Variants in PRR16 observed in about 807,000 individuals in gnomAD.
PRR16 encodes proline rich 16.
In PRR16, 6 loss-of-function variants were observed where a neutral mutation model predicts 18.2. The ratio of observed to expected loss-of-function variants is 0.33; its 90% CI spans 0.18 to 0.65. The LOEUF (loss-of-function observed/expected upper bound fraction) is 0.65. Ranked by LOEUF, PRR16 falls within the 30% of genes least tolerant of loss-of-function variation. The pLI is 0.74. For missense variants in PRR16, 412 were observed against 376.6 expected (o/e 1.09, Z -0.78); for synonymous variants, 151 against 147.8 (o/e 1.02, Z -0.16).
chr5:120,725,140 G>C, the PRR16 span, among the ~76,000 whole-genome samples: 1 of 151,986 alleles, frequency 6.6e-6, no homozygotes, highest in East Asian at 1.9e-4. Context: ...GCTGAAGTGA[G>C]AGCCAACTGG....
chr5:120,754,185 A>T, the PRR16 span, among the ~76,000 whole-genome samples: 1 of 110,622 alleles, frequency 9.0e-6, no homozygotes, highest in Non-Finnish European at 1.7e-5. Context: ...ATAAATATAT[A>T]ATATATAATT....
the PRR16 span, among the ~76,000 whole-genome samples, chr5:120,701,350 G>C: frequency 6.6e-6 from 1 of 152,194 alleles, no homozygotes; most frequent in Non-Finnish European, 1.5e-5. Context: ...GGGCTGTAAA[G>C]TGTCTCAGGG....
intron 1 of PRR16, among the ~76,000 whole-genome samples, chr5:120,593,697 C>T (rs917219183): frequency 6.6e-6 from 1 of 151,824 alleles, no homozygotes; most frequent in Non-Finnish European, 1.5e-5. Flanking sequence ...AGAGGCACAA[C>T]GAAAGGAAGG....
intron 1 of PRR16, among the ~76,000 whole-genome samples, chr5:120,677,905 C>CTTTTTTTT (rs386404833): frequency 6.1e-4 from 57 of 93,188 alleles, no homozygotes; most frequent in Admixed American, 7.4e-4. Flanking sequence ...CTTTTTCTTT[C>CTTTTTTTT]TTTTTTTTTT....
chr5:120,501,955 CAAAAAAAAAAAAAAA>C (rs548770948), intron 1 of PRR16, among the ~76,000 whole-genome samples: 2 of 44,086 alleles, frequency 4.5e-5, no homozygotes, highest in Non-Finnish European at 8.9e-5. Context: ...TACTCCGTCT[CAAAAAAAAAAAAAAA>C]AAAAAAAAAA....
chr5:120,653,952 T>G (rs1012530639), intron 1 of PRR16, among the ~76,000 whole-genome samples: 1 of 152,060 alleles, frequency 6.6e-6, no homozygotes, highest in Non-Finnish European at 1.5e-5. Context: ...TAATTGTCCC[T>G]TAACAAATTA....
chr5:120,649,091 G>A (rs1407649959), intron 1 of PRR16, among the ~76,000 whole-genome samples: 7 of 152,062 alleles, frequency 4.6e-5, no homozygotes, highest in Non-Finnish European at 1.0e-4. Context: ...TTTAAGAAAT[G>A]GCTCTTGCAA....
the PRR16 span, among the ~76,000 whole-genome samples, chr5:120,725,891 C>T: frequency 2.6e-5 from 4 of 151,956 alleles, no homozygotes; most frequent in African/African-American, 7.2e-5. Context: ...GAACCCCTGC[C>T]ATCTAAGGAA....
chr5:120,519,403 C>G (rs1222727427), intron 1 of PRR16, among the ~76,000 whole-genome samples: 1 of 152,018 alleles, frequency 6.6e-6, no homozygotes, highest in Admixed American at 6.6e-5. Flanking sequence ...TAGACGTGAA[C>G]TGATTAGAAT....
the PRR16 span, among the ~76,000 whole-genome samples, chr5:120,756,070 G>T: frequency 6.6e-6 from 1 of 152,102 alleles, no homozygotes; most frequent in East Asian, 1.9e-4. Context: ...CTGAAATGAA[G>T]TTACAAAGTT....
intron 1 of PRR16, among the ~76,000 whole-genome samples, chr5:120,517,992 G>A (rs892952149): frequency 6.6e-6 from 1 of 152,126 alleles, no homozygotes. Flanking sequence ...AAAAAGTTTT[G>A]TGTCACTATA....
At chr5:120,545,598 C>G (rs1054937268) in intron 1 of PRR16, among the ~76,000 whole-genome samples, 1 of 151,898 alleles carries the variant, frequency 6.6e-6, no homozygotes, top group African/African-American at 2.4e-5. Context: ...GAATTAAATT[C>G]TTTTGAAAAT....
chr5:120,785,222 C>T, the PRR16 span, among the ~76,000 whole-genome samples: 1 of 152,100 alleles, frequency 6.6e-6, no homozygotes, highest in Admixed American at 6.6e-5. Flanking sequence ...AGGGCTACAA[C>T]CTTTTTCTAA....
chr5:120,610,726 A>ATACCT (rs1754307641), intron 1 of PRR16, among the ~76,000 whole-genome samples: 1 of 152,208 alleles, frequency 6.6e-6, no homozygotes, highest in Admixed American at 6.5e-5. Context: ...AAGTCCAATT[A>ATACCT]TACCTTTTTT....
chr5:120,769,456 C>T, the PRR16 span, among the ~76,000 whole-genome samples: 13 of 151,942 alleles, frequency 8.6e-5, no homozygotes, highest in Non-Finnish European at 1.6e-4. Flanking sequence ...AGATCTCTAG[C>T]ACTTATTTAT....
At chr5:120,584,985 T>C (rs1162882072) in intron 1 of PRR16, among the ~76,000 whole-genome samples, 3 of 152,204 alleles carry the variant, frequency 2.0e-5, no homozygotes, top group Non-Finnish European at 4.4e-5. Context: ...CTGGTCTTTC[T>C]GCCTCACTAG....
chr5:120,481,853 A>C (rs1241799768), intron 1 of PRR16, among the ~76,000 whole-genome samples: 1 of 152,168 alleles, frequency 6.6e-6, no homozygotes, highest in Non-Finnish European at 1.5e-5. Flanking sequence ...GTTATATTCA[A>C]ATAGGTCTCC....
At chr5:120,516,984 ATTG>A (rs1003695414) in intron 1 of PRR16, among the ~76,000 whole-genome samples, 4 of 152,274 alleles carry the variant, frequency 2.6e-5, no homozygotes, top group African/African-American at 4.8e-5. Context: ...AACAATTTCT[ATTG>A]TTAGCAAATT....
chr5:120,556,134 C>T (rs1403118234), intron 1 of PRR16, among the ~76,000 whole-genome samples: 1 of 151,196 alleles, frequency 6.6e-6, no homozygotes, highest in African/African-American at 2.4e-5. Flanking sequence ...ATACAGAAAG[C>T]ATGTTTTGAA....
Sources: allele counts gnomAD v4.1 joint callset (sites outside exome capture counted in the v4.1 genomes callset), GRCh38; gene constraint gnomAD v4.1.1; transcripts MANE v1.5; gene names NCBI Gene and HGNC (gene_info 2026-07-23, HGNC 2026-07-21).